Variants in NRF1 observed in about 807,000 individuals in gnomAD.
NRF1 encodes the protein alpha palindromic-binding protein.
In NRF1, 5 loss-of-function variants were observed where a neutral mutation model predicts 58.5. That is an observed-to-expected ratio of 0.09 (90% CI 0.04 to 0.18). The LOEUF is 0.18. Among genes scored for constraint, NRF1 ranks in the 10% least tolerant of loss-of-function variants. The pLI is 1.00. For missense variants in NRF1, 288 were observed against 657.7 expected (o/e 0.44, Z 6.15); for synonymous variants, 224 against 246.7 (o/e 0.91, Z 0.86).
intron 4 of NRF1, among the ~76,000 whole-genome samples, chr7:129,680,248 T>G (rs1802278357): frequency 6.6e-6 from 1 of 152,120 alleles, no homozygotes; most frequent in Non-Finnish European, 1.5e-5. Context: ...TGCTGATGAT[T>G]AATAATCATA....
chr7:129,681,352 G>C (rs772616747), intron 4 of NRF1, among the ~76,000 whole-genome samples: 1 of 152,176 alleles, frequency 6.6e-6, no homozygotes, highest in African/African-American at 2.4e-5. Flanking sequence ...GTGGTGATTT[G>C]TGGGAGCCAT....
chr7:129,727,567 A>G (rs1803478261), intron 10 of NRF1, among the ~76,000 whole-genome samples: 1 of 152,184 alleles, frequency 6.6e-6, no homozygotes, highest in Non-Finnish European at 1.5e-5. Context: ...GAAGGAAAAT[A>G]CTGTGATAAT....
chr7:129,632,900 GT>G (rs779030790), intron 1 of NRF1, among the ~76,000 whole-genome samples: 1 of 152,066 alleles, frequency 6.6e-6, no homozygotes, highest in Non-Finnish European at 1.5e-5. Flanking sequence ...CAATATTTTG[GT>G]TTTTTCCTTT....
chr7:129,629,382 G>A (rs1800997516), intron 1 of NRF1, among the ~76,000 whole-genome samples: 4 of 151,344 alleles, frequency 2.6e-5, no homozygotes, highest in Admixed American at 6.6e-5. Context: ...GGGTTCAAGC[G>A]ATTCTCTGCC....
At chr7:129,748,440 C>T (rs992473226) in intron 10 of NRF1, among the ~76,000 whole-genome samples, 16 of 152,250 alleles carry the variant, frequency 1.1e-4, no homozygotes, top group Non-Finnish European at 1.8e-4. Flanking sequence ...GGGCTGTCCC[C>T]TCAGAGGCAA....
At chr7:129,742,731 GTGTC>G (rs1467865721) in intron 10 of NRF1, among the ~76,000 whole-genome samples, 7 of 152,334 alleles carry the variant, frequency 4.6e-5, no homozygotes, top group Non-Finnish European at 8.8e-5. Flanking sequence ...GTGAGTGTAT[GTGTC>G]TGTCTGTCGG....
At chr7:129,647,955 CAT>C (rs1463616814) in intron 1 of NRF1, among the ~76,000 whole-genome samples, 3 of 152,118 alleles carry the variant, frequency 2.0e-5, no homozygotes, top group African/African-American at 7.2e-5. Flanking sequence ...TTTGCTCTAA[CAT>C]GTCATTTAAT....
intron 6 of NRF1, among the ~76,000 whole-genome samples, chr7:129,709,451 G>A (rs974137376): frequency 6.6e-6 from 1 of 152,142 alleles, no homozygotes; most frequent in Non-Finnish European, 1.5e-5. Context: ...AATTTAAAAT[G>A]TGTCTTCGGG....
chr7:129,738,354 G>T (rs971417822), intron 10 of NRF1, among the ~76,000 whole-genome samples: 2 of 152,200 alleles, frequency 1.3e-5, no homozygotes, highest in African/African-American at 4.8e-5. Flanking sequence ...GGAGCCGGCG[G>T]CTTTTCCTGG....
chr7:129,677,859 C>A, intron 4 of NRF1, 101 bp downstream of exon 4: 1 of 1,407,688 alleles, frequency 7.1e-7, no homozygotes, highest in Non-Finnish European at 9.8e-7. Context: ...ATTTCTGTTA[C>A]CCCCTAATCC....
intron 2 of NRF1, among the ~76,000 whole-genome samples, chr7:129,668,606 G>C (rs1801973751): frequency 6.6e-6 from 1 of 152,096 alleles, no homozygotes; most frequent in Admixed American, 6.5e-5. Flanking sequence ...TCAGATAGAA[G>C]AATAGGTAAA....
intron 1 of NRF1, 31 bp downstream of exon 1, chr7:129,611,855 T>G (rs930235523): frequency 2.5e-5 from 4 of 158,764 alleles, no homozygotes; most frequent in East Asian, 3.6e-4. Context: ...TCTCCAGCTA[T>G]TTCAGCCCCG....
chr7:129,715,956 G>A (rs1000624278), intron 8 of NRF1, among the ~76,000 whole-genome samples: 1 of 151,238 alleles, frequency 6.6e-6, no homozygotes, highest in Non-Finnish European at 1.5e-5. Flanking sequence ...GGTGAGCCGA[G>A]ATCGCGCCAC....
intron 2 of NRF1, among the ~76,000 whole-genome samples, chr7:129,663,611 C>T (rs1191215775): frequency 1.1e-4 from 16 of 140,044 alleles, no homozygotes; most frequent in African/African-American, 1.6e-4. Flanking sequence ...GACGGGGTGG[C>T]GGCTGGGCAG....
At chr7:129,716,869 CAA>C (rs35766307) in intron 8 of NRF1, among the ~76,000 whole-genome samples, 70 of 143,100 alleles carry the variant, frequency 4.9e-4, no homozygotes, top group Non-Finnish European at 5.6e-4. Flanking sequence ...GACTCCCTCT[CAA>C]AAAAAAAAAA....
chr7:129,748,709 T>A (rs1002228120), intron 10 of NRF1, among the ~76,000 whole-genome samples: 3 of 152,256 alleles, frequency 2.0e-5, no homozygotes, highest in Non-Finnish European at 4.4e-5. Context: ...CCAAACAATA[T>A]TTTAAGATGT....
chr7:129,727,242 G>A lies in NRF1; in HGVS notation c.1225G>A (p.Glu409Lys), dbSNP rs764173748. ...TCTCTCCTGTTCCTGTGCCCGCAGC[G>A]AAGCTGCCGCCCATGCTGTCGCCAC... ...GATVTMALNS[E>K]AAAHAVATLA... Residue 409 changes from glutamate to lysine, a missense_variant and splice_region_variant, in exon 10 of 11, where the codon GAA becomes AAA. Around this residue, in one of 3 missense-constraint regions of NRF1, gnomAD observed 212 missense variants for 559.7 expected, o/e 0.38. Transcript: ENST00000393232. 1.9e-6 allele frequency: 3 copies of A among 1,590,150 alleles called. No individual in the cohort carries two copies. The highest frequency in any genetic ancestry group is 1.1e-5 in the South Asian group (1 of 87,198).
At chr7:129,733,238 C>G (rs577904597) in intron 10 of NRF1, among the ~76,000 whole-genome samples, 1 of 152,028 alleles carries the variant, frequency 6.6e-6, no homozygotes, top group African/African-American at 2.4e-5. Flanking sequence ...GAGGCCGAGG[C>G]GGGTGGATCA....
At chr7:129,751,460 A>G (rs551382622) in intron 10 of NRF1, among the ~76,000 whole-genome samples, 1 of 152,216 alleles carries the variant, frequency 6.6e-6, no homozygotes, top group Non-Finnish European at 1.5e-5. Flanking sequence ...TCTGGGGAAA[A>G]TCTTCCGTGA....
Sources: gnomAD v4.1 joint callset for allele counts (sites outside exome capture counted in the v4.1 genomes callset) on GRCh38, gnomAD v4.1.1 for gene constraint, gnomAD v4.1.1 regional missense constraint, MANE v1.5 for transcripts, NCBI Gene and HGNC (gene_info 2026-07-23, HGNC 2026-07-21) for gene names.